BMPR1B: variants seen among roughly 807,000 people sequenced by gnomAD.
The protein encoded by BMPR1B is bone morphogenetic protein receptor type-1B.
Under a neutral mutation model 59.1 loss-of-function variants are expected in BMPR1B, and 12 were observed. The ratio of observed to expected loss-of-function variants is 0.20; its 90% CI spans 0.13 to 0.33. The LOEUF (loss-of-function observed/expected upper bound fraction) is 0.33. BMPR1B is among the 10% of genes least tolerant of loss of function. The pLI is 1.00. For missense variants in BMPR1B, 550 were observed against 610.9 expected (o/e 0.90, Z 1.05); for synonymous variants, 237 against 207.3 (o/e 1.14, Z -1.23).
intron 1 of BMPR1B, among the ~76,000 whole-genome samples, chr4:94,788,966 T>G (rs1021042055): frequency 3.9e-5 from 6 of 152,292 alleles, no homozygotes; most frequent in Non-Finnish European, 8.8e-5. Flanking sequence ...CAGCCTCCCC[T>G]GAGGTGATGA....
At position 95,067,444 on chromosome 4, in the gene BMPR1B, T is replaced by A. The variant is rs1380928859; in HGVS notation, c.-17-36964T>A. Among the ~76,000 whole-genome samples, 5 of 152,148 alleles carry A rather than the reference T, an allele frequency of 3.3e-5. No homozygotes were observed. In the South Asian group the frequency reaches 8.3e-4, roughly 25 times the overall value. ...AAAGGACTAGGTTTAGAAAACCTAG[T>A]CGGCCAAGAAGTTTACCCGACAGAA... On this transcript the variant is annotated intron_variant, in intron 3 of 12. Coordinates refer to ENST00000515059, the MANE Select transcript of BMPR1B (RefSeq NM_001203.3).
intron 3 of BMPR1B, among the ~76,000 whole-genome samples, chr4:95,084,107 C>T (rs1579050692): frequency 1.3e-5 from 2 of 151,866 alleles, no homozygotes; most frequent in South Asian, 4.2e-4. Context: ...ATGTAATATT[C>T]CCTAAATATG....
At chr4:95,031,459 T>A (rs1024411487) in intron 3 of BMPR1B, among the ~76,000 whole-genome samples, 2 of 151,980 alleles carry the variant, frequency 1.3e-5, no homozygotes, top group Non-Finnish European at 2.9e-5. Context: ...GCAGATATAT[T>A]TTTTTTGAGA....
At chr4:94,903,131 A>G (rs1727895226) in intron 2 of BMPR1B, among the ~76,000 whole-genome samples, 1 of 152,068 alleles carries the variant, frequency 6.6e-6, no homozygotes, top group African/African-American at 2.4e-5. Flanking sequence ...AAGTTATGGC[A>G]TAGAAATTAA....
At chr4:94,776,345 G>T (rs927184667) in intron 1 of BMPR1B, among the ~76,000 whole-genome samples, 1 of 152,130 alleles carries the variant, frequency 6.6e-6, no homozygotes, top group Admixed American at 6.5e-5. Context: ...AGATTTTATG[G>T]TGATGCATCA....
chr4:95,006,819 A>G (rs924218517), intron 3 of BMPR1B, among the ~76,000 whole-genome samples: 3 of 152,102 alleles, frequency 2.0e-5, no homozygotes, highest in African/African-American at 7.2e-5. Context: ...CATTACAGGC[A>G]TGAGCCACCA....
intron 2 of BMPR1B, among the ~76,000 whole-genome samples, chr4:94,970,067 A>AT (rs940234149): frequency 4.6e-5 from 7 of 151,948 alleles, no homozygotes; most frequent in African/African-American, 9.7e-5. Flanking sequence ...ATAAGCCAAG[A>AT]TTTTTTTTGT....
intron 3 of BMPR1B, among the ~76,000 whole-genome samples, chr4:95,023,385 T>G (rs1178844275): frequency 6.6e-6 from 1 of 152,142 alleles, no homozygotes; most frequent in Non-Finnish European, 1.5e-5. Flanking sequence ...TTTATTTTTA[T>G]TTGTTTACAT....
intron 1 of BMPR1B, among the ~76,000 whole-genome samples, chr4:94,805,301 A>G (rs1723564975): frequency 6.6e-6 from 1 of 152,200 alleles, no homozygotes; most frequent in Non-Finnish European, 1.5e-5. Context: ...TTTGGTCAAA[A>G]GATTACACTG....
At chr4:95,052,066 A>G (rs998740358) in intron 3 of BMPR1B, among the ~76,000 whole-genome samples, 5 of 152,246 alleles carry the variant, frequency 3.3e-5, no homozygotes, top group African/African-American at 9.6e-5. Context: ...ATATACTGTG[A>G]CAGTTTATAT....
At chr4:94,892,131 G>A (rs1360507630) in intron 2 of BMPR1B, among the ~76,000 whole-genome samples, 1 of 152,022 alleles carries the variant, frequency 6.6e-6, no homozygotes, top group Non-Finnish European at 1.5e-5. Flanking sequence ...TTGAGGTTTG[G>A]TGCCAGGTCT....
chr4:94,904,097 T>TA (rs1260550364), intron 2 of BMPR1B, among the ~76,000 whole-genome samples: 6 of 152,034 alleles, frequency 3.9e-5, no homozygotes, highest in Admixed American at 3.9e-4. Context: ...TTCAGGAAGT[T>TA]AAAAAATTTC....
chr4:95,081,536 C>T (rs1439197288), intron 3 of BMPR1B, among the ~76,000 whole-genome samples: 1 of 152,144 alleles, frequency 6.6e-6, no homozygotes, highest in Non-Finnish European at 1.5e-5. Context: ...ATCTGCATAA[C>T]TGAGTGGACC....
chr4:95,117,609 T>C (rs1393099376), intron 6 of BMPR1B, among the ~76,000 whole-genome samples: 1 of 151,372 alleles, frequency 6.6e-6, no homozygotes, highest in Non-Finnish European at 1.5e-5. Flanking sequence ...ATAGCAAGGC[T>C]CCATCTCTAA....
At chr4:94,868,144 C>G (rs1036991335) in intron 1 of BMPR1B, among the ~76,000 whole-genome samples, 3 of 150,136 alleles carry the variant, frequency 2.0e-5, no homozygotes, top group African/African-American at 7.4e-5. Flanking sequence ...ATTACAGGTG[C>G]GAGCCACCAT....
intron 1 of BMPR1B, among the ~76,000 whole-genome samples, chr4:94,776,027 C>T (rs941897430): frequency 3.3e-5 from 5 of 149,288 alleles, no homozygotes; most frequent in Non-Finnish European, 5.9e-5. Flanking sequence ...GGAGGTGGGG[C>T]TTGCGGTGAG....
At chr4:94,871,886 G>T (rs1437384209) in intron 1 of BMPR1B, among the ~76,000 whole-genome samples, 1 of 152,148 alleles carries the variant, frequency 6.6e-6, no homozygotes, top group Non-Finnish European at 1.5e-5. Context: ...ATTCTAGAAT[G>T]CTCGAAAAAT....
chr4:95,112,374 C>CG (rs1731691624), intron 4 of BMPR1B, among the ~76,000 whole-genome samples: 1 of 151,984 alleles, frequency 6.6e-6, no homozygotes, highest in African/African-American at 2.4e-5. Context: ...AGCCTGTAGC[C>CG]GTCTCTTAGA....
chr4:94,997,029 T>G (rs1187407146), intron 3 of BMPR1B, among the ~76,000 whole-genome samples: 1 of 152,210 alleles, frequency 6.6e-6, no homozygotes, highest in Non-Finnish European at 1.5e-5. Flanking sequence ...ATATATATAC[T>G]TGTATGTTTA....
Sources: gnomAD v4.1 joint callset for allele counts (sites outside exome capture counted in the v4.1 genomes callset) on GRCh38, gnomAD v4.1.1 for gene constraint, MANE v1.5 for transcripts, NCBI Gene and HGNC (gene_info 2026-07-23, HGNC 2026-07-21) for gene names.